CRYBG1: variants seen among roughly 807,000 people sequenced by gnomAD.
CRYBG1 encodes the protein crystallin beta-gamma domain containing 1, also known as beta/gamma crystallin domain-containing protein 1.
Under a neutral mutation model 189.2 loss-of-function variants are expected in CRYBG1, and 139 were observed. That is an observed-to-expected ratio of 0.73 (90% confidence interval 0.64 to 0.85). The LOEUF (loss-of-function observed/expected upper bound fraction) is 0.85. Among genes scored for constraint, CRYBG1 ranks in the 40% least tolerant of loss-of-function variants. CRYBG1 has a pLI of 0.00. For synonymous variants in CRYBG1, 1,023 were observed against 1,017.1 expected (o/e 1.01, Z -0.11); for missense variants, 2,611 against 2,675.8 (o/e 0.98, Z 0.53).
In CRYBG1 at chr6:106,568,568, CAAAG is replaced by C. The variant is rs761117570; in HGVS notation, c.*5_*8del. ...GAAGCCATGGTCCTATATACCTGAA[CAAAG>C]AAGGAAGAAGAATCTTCTGGAGGTC... is the stretch of plus-strand genomic sequence containing the variant. On this transcript the variant is annotated 3_prime_UTR_variant, in exon 22 of 22. Transcript: ENST00000633556. 6.2e-7 allele frequency: 1 copy of C among 1,600,664 alleles called. No individual in the cohort carries two copies. The highest frequency in any genetic ancestry group is 8.6e-7 in the Non-Finnish European group (1 of 1,168,244).
Position 106,364,584 on chromosome 6 carries a change from C to T in CRYBG1, c.173+3503C>T, listed in dbSNP as rs145580280. Reference sequence around the variant, plus strand: ...TCACAAAGATAGAGTTGCTGCCCTCCTGAGTCAGCCCCATCCCCTGTCTAG... The same window carrying T: ...TCACAAAGATAGAGTTGCTGCCCTCTTGAGTCAGCCCCATCCCCTGTCTAG... On this transcript the variant is annotated intron_variant, in intron 1 of 21. Transcript: ENST00000633556. Among the ~76,000 whole-genome samples, 461 of 152,246 alleles carry T rather than the reference C, an allele frequency of 3.0e-3. 4 individuals are homozygous for T. The highest frequency in any genetic ancestry group is 0.021 in the South Asian group (100 of 4,828).
chr6:106,409,401 C>T (rs1011917489), intron 1 of CRYBG1, among the ~76,000 whole-genome samples: 29 of 152,090 alleles, frequency 1.9e-4, no homozygotes, highest in Admixed American at 1.0e-3. Flanking sequence ...AAACATTCCA[C>T]GCTCATGGAT....
chr6:106,378,705 C>T (rs1770222558), intron 1 of CRYBG1, among the ~76,000 whole-genome samples: 1 of 152,218 alleles, frequency 6.6e-6, no homozygotes, highest in Non-Finnish European at 1.5e-5. Flanking sequence ...GCTAATGCCT[C>T]TTCCACTGTA....
intron 15 of CRYBG1, 123 bp from the exon 16 acceptor site, chr6:106,553,332 A>C (rs1381065165): frequency 3.2e-6 from 2 of 633,106 alleles, no homozygotes; most frequent in East Asian, 5.6e-5. Context: ...AGGATTTCTA[A>C]AATTCGTACC....
intron 1 of CRYBG1, among the ~76,000 whole-genome samples, chr6:106,381,147 G>C (rs369574653): frequency 2.6e-5 from 4 of 152,194 alleles, no homozygotes; most frequent in East Asian, 3.9e-4. Flanking sequence ...AGAAACTGAG[G>C]TATATCCAGA....
chr6:106,566,473 T>TC (rs1432689025), intron 21 of CRYBG1, among the ~76,000 whole-genome samples: 1 of 129,278 alleles, frequency 7.7e-6, no homozygotes, highest in Non-Finnish European at 1.6e-5. Context: ...TCTTTTTTTT[T>TC]TTTTTTTTTT....
chr6:106,568,349 G>A, intron 21 of CRYBG1, 123 bp from the exon 22 acceptor site: 1 of 733,546 alleles, frequency 1.4e-6, no homozygotes, highest in Non-Finnish European at 2.3e-6. Flanking sequence ...GCCTCCTTGA[G>A]GCATGCAGTT....
At chr6:106,362,553 A>C (rs1442372826) in intron 1 of CRYBG1, among the ~76,000 whole-genome samples, 2 of 152,188 alleles carry the variant, frequency 1.3e-5, no homozygotes, top group Non-Finnish European at 2.9e-5. Flanking sequence ...TGCACTGTGC[A>C]CATCACCAGC....
intron 1 of CRYBG1, among the ~76,000 whole-genome samples, chr6:106,381,788 T>C (rs1471671888): frequency 1.3e-5 from 2 of 152,170 alleles, no homozygotes; most frequent in Non-Finnish European, 2.9e-5. Context: ...ACTTTCTGCT[T>C]TGGGCAATGT....
chr6:106,447,547 A>AATATATATATATATATAT lies in CRYBG1; in HGVS notation c.174-4138_174-4121dup, dbSNP rs59943398. On this transcript the variant is annotated intron_variant, in intron 1 of 21. Coordinates refer to ENST00000633556, the MANE Select transcript of CRYBG1 (RefSeq NM_001371242.2). Reference sequence around the variant, plus strand: ...ATGCTTGTACCTCATGTACCTCATAAATATATATATATATATATATATATA... The same window carrying AATATATATATATATATAT: ...ATGCTTGTACCTCATGTACCTCATAAATATATATATATATATATATATATATATATATATATATATATA... Among the ~76,000 whole-genome samples the AATATATATATATATATAT allele has an allele frequency of 4.6e-3, 654 of 140,896 alleles. 1 individual carries two copies. The highest frequency in any genetic ancestry group is 0.014 in the African/African-American group (523 of 37,362). The allele number at this position is 140,896 out of a possible 152,430, so 92.4% of individuals were successfully genotyped here.
intron 2 of CRYBG1, among the ~76,000 whole-genome samples, chr6:106,493,638 G>A (rs1423984517): frequency 6.6e-6 from 1 of 152,152 alleles, no homozygotes; most frequent in African/African-American, 2.4e-5. Context: ...TGTAATAAAA[G>A]GAACGAGATC....
chr6:106,381,027 G>T (rs572870590), intron 1 of CRYBG1, among the ~76,000 whole-genome samples: 34 of 152,262 alleles, frequency 2.2e-4, no homozygotes, highest in African/African-American at 8.2e-4. Context: ...CACATAACAT[G>T]AAAGAGTGGA....
intron 7 of CRYBG1, 40 bp from the exon 8 acceptor site, chr6:106,530,136 T>C (rs201708452): frequency 1.3e-6 from 2 of 1,531,996 alleles, no homozygotes; most frequent in South Asian, 2.4e-5. Context: ...GTGAAATACA[T>C]GGTGCAATTC....
intron 3 of CRYBG1, among the ~76,000 whole-genome samples, chr6:106,515,003 G>A (rs562936937): frequency 2.6e-4 from 40 of 152,228 alleles, no homozygotes; most frequent in Admixed American, 2.4e-3. Context: ...TGACCGTATC[G>A]CAAGATGTTA....
At chr6:106,412,786 A>G in intron 1 of CRYBG1, among the ~76,000 whole-genome samples, 1 of 152,152 alleles carries the variant, frequency 6.6e-6, no homozygotes, top group East Asian at 1.9e-4. Flanking sequence ...GAGGCTCCAA[A>G]TGTCAGTGCT....
intron 1 of CRYBG1, among the ~76,000 whole-genome samples, chr6:106,361,699 G>T (rs1017439079): frequency 6.6e-6 from 1 of 152,102 alleles, no homozygotes; most frequent in Non-Finnish European, 1.5e-5. Context: ...TGTGCTTTTT[G>T]ATTTTTATCA....
intron 1 of CRYBG1, among the ~76,000 whole-genome samples, chr6:106,417,738 C>A (rs1771051724): frequency 6.6e-6 from 1 of 152,246 alleles, no homozygotes; most frequent in Non-Finnish European, 1.5e-5. Context: ...GTGCAGGAGC[C>A]AGCTGGCCAC....
chr6:106,439,757 T>A (rs1771534455), intron 1 of CRYBG1, among the ~76,000 whole-genome samples: 1 of 152,168 alleles, frequency 6.6e-6, no homozygotes, highest in Non-Finnish European at 1.5e-5. Context: ...AAGCATTTGT[T>A]TTATACCCAC....
chr6:106,492,229 A>G (rs1394461420), intron 2 of CRYBG1, among the ~76,000 whole-genome samples: 2 of 152,222 alleles, frequency 1.3e-5, no homozygotes, highest in East Asian at 1.9e-4. Flanking sequence ...CTAGATGTCA[A>G]AATAAGTCGT....
Sources: allele counts gnomAD v4.1 joint callset (sites outside exome capture counted in the v4.1 genomes callset), GRCh38; gene constraint gnomAD v4.1.1; transcripts MANE v1.5; gene names NCBI Gene and HGNC (gene_info 2026-07-23, HGNC 2026-07-21).